Variants in HDAC9 observed in about 807,000 individuals in gnomAD.
The protein encoded by HDAC9 is MEF-2 interacting transcription repressor (MITR) protein.
In HDAC9, 41 loss-of-function variants were observed where a neutral mutation model predicts 139.4. That is an observed-to-expected ratio of 0.29 (90% CI 0.23 to 0.38). The LOEUF (loss-of-function observed/expected upper bound fraction) is 0.38, where lower values mean the gene tolerates loss of function less well. Ranked by LOEUF, HDAC9 falls within the 10% of genes least tolerant of loss-of-function variation. The pLI is 1.00. For synonymous variants in HDAC9, 517 were observed against 476.2 expected, an observed-to-expected ratio of 1.09 and a Z score of -1.12; for missense variants, 1,147 against 1,297.0, an observed-to-expected ratio of 0.88 and a Z score of 1.78.
chr7:18,244,196 G>GT (rs1409719177), intron 2 of HDAC9, among the ~76,000 whole-genome samples: 1 of 152,006 alleles, frequency 6.6e-6, no homozygotes, highest in Non-Finnish European at 1.5e-5. Context: ...AGGGTGAGGG[G>GT]TTGGAGGGGT....
intron 6 of HDAC9, among the ~76,000 whole-genome samples, chr7:18,603,053 A>G (rs1259698687): frequency 1.3e-5 from 2 of 152,110 alleles, no homozygotes; most frequent in Non-Finnish European, 2.9e-5. Context: ...TATGTAACAA[A>G]CACCACTTTT....
At chr7:18,130,252 T>G (rs983851709) in intron 1 of HDAC9, among the ~76,000 whole-genome samples, 1 of 152,026 alleles carries the variant, frequency 6.6e-6, no homozygotes, top group Admixed American at 6.6e-5. Flanking sequence ...GCATTTTGGA[T>G]TTCAGATTTT....
chr7:18,776,105 GCTTT>G (rs1790745680), intron 16 of HDAC9, among the ~76,000 whole-genome samples: 1 of 151,888 alleles, frequency 6.6e-6, no homozygotes, highest in African/African-American at 2.4e-5. Flanking sequence ...CACATATTTG[GCTTT>G]CTTTCTTTTA....
chr7:18,755,520 T>C (rs1362563902), intron 14 of HDAC9, among the ~76,000 whole-genome samples: 2 of 152,140 alleles, frequency 1.3e-5, no homozygotes, highest in East Asian at 1.9e-4. Flanking sequence ...TGATGACCAG[T>C]TTAAAAAAGC....
At chr7:18,568,794 T>C (rs1287178658) in intron 2 of HDAC9, among the ~76,000 whole-genome samples, 1 of 152,104 alleles carries the variant, frequency 6.6e-6, no homozygotes, top group Non-Finnish European at 1.5e-5. Context: ...ACACCTGTAA[T>C]CCCAGAACTT....
intron 13 of HDAC9, among the ~76,000 whole-genome samples, chr7:18,733,084 C>CGT (rs1562894391): frequency 1.4e-5 from 2 of 142,988 alleles, no homozygotes; most frequent in African/African-American, 5.2e-5. Flanking sequence ...CATGTATACA[C>CGT]ATATATACAT....
chr7:18,255,626 CT>C (rs11386457), intron 2 of HDAC9, among the ~76,000 whole-genome samples: 52 of 113,602 alleles, frequency 4.6e-4, no homozygotes, highest in African/African-American at 1.2e-3. Flanking sequence ...TTTTTCTTTC[CT>C]TTTTTTTTTT....
intron 16 of HDAC9, among the ~76,000 whole-genome samples, chr7:18,780,599 A>T (rs970395569): frequency 3.3e-5 from 5 of 152,066 alleles, no homozygotes; most frequent in African/African-American, 1.2e-4. Flanking sequence ...CCTGGTGCAG[A>T]CTGAAGATGA....
chr7:18,968,666 G>C (rs995595435), intron 24 of HDAC9, among the ~76,000 whole-genome samples: 6 of 152,016 alleles, frequency 3.9e-5, no homozygotes, highest in African/African-American at 1.4e-4. Flanking sequence ...CAAAGTTACA[G>C]AATCACTTTA....
intron 23 of HDAC9, among the ~76,000 whole-genome samples, chr7:18,951,297 A>T (rs1442154198): frequency 6.6e-6 from 1 of 151,984 alleles, no homozygotes; most frequent in East Asian, 1.9e-4. Context: ...CATTATCACA[A>T]CTTTCTGAAA....
intron 1 of HDAC9, among the ~76,000 whole-genome samples, chr7:18,100,945 G>T (rs1381082928): frequency 6.6e-6 from 1 of 152,034 alleles, no homozygotes; most frequent in African/African-American, 2.4e-5. Context: ...TAGTTTCTGA[G>T]TACTCTACCC....
intron 1 of HDAC9, among the ~76,000 whole-genome samples, chr7:18,148,606 G>C (rs951273716): frequency 6.6e-6 from 1 of 151,980 alleles, no homozygotes; most frequent in Admixed American, 6.6e-5. Flanking sequence ...ACAGGCGCTC[G>C]CCACCACGCC....
At chr7:18,947,423 G>T (rs1782482614) in intron 23 of HDAC9, among the ~76,000 whole-genome samples, 1 of 151,800 alleles carries the variant, frequency 6.6e-6, no homozygotes, top group Admixed American at 6.6e-5. Flanking sequence ...CTTCACTACA[G>T]ATTTTAATGT....
intron 2 of HDAC9, among the ~76,000 whole-genome samples, chr7:18,548,003 C>T (rs1055763752): frequency 1.3e-5 from 2 of 151,828 alleles, no homozygotes; most frequent in Admixed American, 1.3e-4. Flanking sequence ...GTCAACATGC[C>T]TTCCTAACTC....
chr7:18,227,243 A>G (rs1327310849), intron 2 of HDAC9, among the ~76,000 whole-genome samples: 1 of 152,086 alleles, frequency 6.6e-6, no homozygotes, highest in Non-Finnish European at 1.5e-5. Context: ...CCTTCTGAGT[A>G]TTTTCTTTAG....
chr7:18,190,427 A>G (rs1232900899), intron 2 of HDAC9, among the ~76,000 whole-genome samples: 2 of 152,242 alleles, frequency 1.3e-5, no homozygotes, highest in East Asian at 3.8e-4. Flanking sequence ...GTACATGCAT[A>G]GATGACTTGC....
chr7:18,465,864 A>G (rs999954619), intron 1 of HDAC9, among the ~76,000 whole-genome samples: 2 of 152,152 alleles, frequency 1.3e-5, no homozygotes, highest in East Asian at 3.8e-4. Flanking sequence ...TAATGTGGAG[A>G]TATATCTATT....
chr7:18,868,223 G>C (rs927125304), intron 21 of HDAC9, among the ~76,000 whole-genome samples: 1 of 152,046 alleles, frequency 6.6e-6, no homozygotes, highest in Non-Finnish European at 1.5e-5. Flanking sequence ...TGTATAAATG[G>C]GTCAATTGAG....
At position 18,499,432 on chromosome 7, in the gene HDAC9, G is replaced by C. The variant is rs558433544; in HGVS notation, c.22+3108G>C. The stretch of plus-strand genomic sequence containing the variant: ...TATAATATTGTACTAATATATTTTA[G>C]TTTAAAGTTCTATAATATTAAATCT... On this transcript the variant is annotated intron_variant, in intron 2 of 25. Coordinates refer to ENST00000686413, the MANE Select transcript of HDAC9 (RefSeq NM_178425.4). 1.1e-4 allele frequency among the ~76,000 whole-genome samples: 17 copies of C among 151,986 alleles called. 1 individual carries two copies. In the South Asian group the frequency reaches 1.4e-3, roughly 13 times the overall value.
Sources: allele counts gnomAD v4.1 joint callset (sites outside exome capture counted in the v4.1 genomes callset), GRCh38; gene constraint gnomAD v4.1.1; transcripts MANE v1.5; gene names NCBI Gene and HGNC (gene_info 2026-07-23, HGNC 2026-07-21).